TEX11: variants seen among roughly 807,000 people sequenced by gnomAD.
The protein encoded by TEX11 is testis-expressed protein 11.
TEX11 carries 7 observed loss-of-function variants against 84.4 expected under a neutral mutation model. That is an observed-to-expected ratio of 0.08 (90% CI 0.05 to 0.16). The LOEUF (loss-of-function observed/expected upper bound fraction) is 0.16. Ranked by LOEUF, TEX11 falls within the 10% of genes least tolerant of loss-of-function variation. The pLI is 1.00. For missense variants in TEX11, 551 were observed against 660.5 expected, an observed-to-expected ratio of 0.83 and a Z score of 1.82; for synonymous variants, 264 against 222.8, an observed-to-expected ratio of 1.18 and a Z score of -1.64.
intron 28 of TEX11, among the ~76,000 whole-genome samples, chrX:70,549,695 G>A (rs937032581): frequency 2.7e-5 from 3 of 112,074 alleles, no homozygotes; most frequent in African/African-American, 9.7e-5. Context: ...GTGGAAAGAG[G>A]AAAGAGTGGG....
intron 9 of TEX11, among the ~76,000 whole-genome samples, chrX:70,754,153 A>G (rs1161830663): frequency 9.0e-6 from 1 of 111,456 alleles, no homozygotes; most frequent in African/African-American, 3.3e-5. Flanking sequence ...AGGGTCCCCA[A>G]TTCCAGGATT....
intron 13 of TEX11, among the ~76,000 whole-genome samples, chrX:70,703,153 G>A (rs1465059997): frequency 2.7e-5 from 3 of 111,187 alleles, no homozygotes; most frequent in Admixed American, 9.6e-5. Flanking sequence ...GGCTAATGGT[G>A]GAACAAGGAT....
At chrX:70,767,619 C>A (rs1042104048) in intron 9 of TEX11, among the ~76,000 whole-genome samples, 3 of 111,706 alleles carry the variant, frequency 2.7e-5, no homozygotes, top group African/African-American at 9.8e-5. Context: ...AACCCCACTG[C>A]TGGTTATATA....
chrX:70,515,544 A>G, the TEX11 span, among the ~76,000 whole-genome samples: 1 of 112,071 alleles, frequency 8.9e-6, no homozygotes, highest in Non-Finnish European at 1.9e-5. Context: ...GGTTGGTTCC[A>G]AGTCTTTCCT....
At chrX:70,597,503 G>A (rs1457934212) in intron 24 of TEX11, among the ~76,000 whole-genome samples, 1 of 111,822 alleles carries the variant, frequency 8.9e-6, no homozygotes, top group Non-Finnish European at 1.9e-5. Flanking sequence ...ACAATGGCAC[G>A]AAGATAATTC....
chrX:70,852,215 A>G (rs1411982030), intron 7 of TEX11, among the ~76,000 whole-genome samples: 1 of 112,177 alleles, frequency 8.9e-6, no homozygotes, highest in Non-Finnish European at 1.9e-5. Context: ...TTTTTGAGAC[A>G]CAGTCTAGCT....
At chrX:70,733,311 T>C (rs2090669286) in intron 11 of TEX11, among the ~76,000 whole-genome samples, 1 of 111,391 alleles carries the variant, frequency 9.0e-6, no homozygotes, top group African/African-American at 3.3e-5. Flanking sequence ...TGGGATCTAA[T>C]TAAACTAAAG....
At chrX:70,815,715 G>A (rs1041532060) in intron 8 of TEX11, among the ~76,000 whole-genome samples, 2 of 111,141 alleles carry the variant, frequency 1.8e-5, no homozygotes, top group African/African-American at 6.5e-5. Flanking sequence ...CCACGGATAA[G>A]GGGGGACTAC....
intron 17 of TEX11, among the ~76,000 whole-genome samples, chrX:70,630,064 G>A (rs1456814082): frequency 8.9e-6 from 1 of 111,783 alleles, no homozygotes; most frequent in Non-Finnish European, 1.9e-5. Flanking sequence ...TGTAATCCCA[G>A]CACTTTGGGA....
intron 11 of TEX11, among the ~76,000 whole-genome samples, chrX:70,729,252 C>A (rs1370339829): frequency 6.2e-5 from 7 of 112,032 alleles, no homozygotes; most frequent in Admixed American, 4.7e-4. Flanking sequence ...AAAATCAGAG[C>A]ACCTCTCCTC....
chrX:70,549,787 C>T (rs2088189385), intron 28 of TEX11, among the ~76,000 whole-genome samples: 1 of 112,691 alleles, frequency 8.9e-6, no homozygotes, highest in East Asian at 2.8e-4. Flanking sequence ...TTTCTGACTC[C>T]AGGCCCTGGC....
chrX:70,827,507 G>T (rs766618757), intron 8 of TEX11, among the ~76,000 whole-genome samples: 2 of 111,682 alleles, frequency 1.8e-5, no homozygotes, highest in South Asian at 7.6e-4. Flanking sequence ...AGAGCCCACT[G>T]CCCTGAAGGG....
At chrX:70,625,588 C>G in intron 18 of TEX11, among the ~76,000 whole-genome samples, 1 of 110,181 alleles carries the variant, frequency 9.1e-6, no homozygotes, top group Non-Finnish European at 1.9e-5. Flanking sequence ...TTCTCCCATT[C>G]TATTCCCTAA....
intron 11 of TEX11, among the ~76,000 whole-genome samples, chrX:70,729,535 G>A (rs930969037): frequency 3.6e-5 from 4 of 111,689 alleles, no homozygotes; most frequent in East Asian, 2.8e-4. Flanking sequence ...TAGCGGATTC[G>A]ATCAACTGGA....
intron 25 of TEX11, among the ~76,000 whole-genome samples, chrX:70,564,207 C>G (rs747127422): frequency 9.0e-6 from 1 of 111,330 alleles, no homozygotes; most frequent in African/African-American, 3.3e-5. Context: ...CCAGCCTGGG[C>G]GACAGAGTGA....
chrX:70,656,806 T>G (rs1333972653), intron 16 of TEX11, among the ~76,000 whole-genome samples: 1 of 112,074 alleles, frequency 8.9e-6, no homozygotes, highest in African/African-American at 3.2e-5. Flanking sequence ...GGGAGATAAT[T>G]TGCTTTCTCC....
At chrX:70,537,313 C>G (rs1340707246) in intron 28 of TEX11, among the ~76,000 whole-genome samples, 1 of 111,287 alleles carries the variant, frequency 9.0e-6, no homozygotes, top group African/African-American at 3.3e-5. Flanking sequence ...AAAAGAATTT[C>G]TGAGCAGCAA....
intron 25 of TEX11, among the ~76,000 whole-genome samples, chrX:70,557,659 A>G (rs1210627815): frequency 8.9e-6 from 1 of 111,756 alleles, no homozygotes; most frequent in African/African-American, 3.3e-5. Flanking sequence ...TATCATTAAG[A>G]TGATAACACT....
At chrX:70,906,168 C>G (rs1292057754) in intron 2 of TEX11, among the ~76,000 whole-genome samples, 1 of 67,085 alleles carries the variant, frequency 1.5e-5, no homozygotes, top group African/African-American at 5.2e-5. Flanking sequence ...AAAAAGAAGA[C>G]AAGCTGCAGG....
Sources: allele counts gnomAD v4.1 joint callset (sites outside exome capture counted in the v4.1 genomes callset), GRCh38; gene constraint gnomAD v4.1.1; transcripts MANE v1.5; gene names NCBI Gene and HGNC (gene_info 2026-07-23, HGNC 2026-07-21).